ARHGAP44: variants seen among roughly 807,000 people sequenced by gnomAD.
ARHGAP44 encodes Rho GTPase activating protein 44.
A neutral mutation model predicts 106.8 loss-of-function variants in ARHGAP44; 43 were observed. That is an observed-to-expected ratio of 0.40 (90% CI 0.32 to 0.52). ARHGAP44 has a LOEUF of 0.52. Among genes scored for constraint, ARHGAP44 ranks in the 20% least tolerant of loss-of-function variants. The pLI is 0.48. For missense variants in ARHGAP44, 866 were observed against 1,050.5 expected (o/e 0.82, Z 2.43); for synonymous variants, 439 against 410.3 (o/e 1.07, Z -0.85).
chr17:12,792,362 A>G (rs1432457991), intron 1 of ARHGAP44, among the ~76,000 whole-genome samples: 1 of 152,210 alleles, frequency 6.6e-6, no homozygotes, highest in Non-Finnish European at 1.5e-5. Context: ...TGCTTCCAGC[A>G]GAATCTATTG....
At chr17:12,987,435 T>C in intron 20 of ARHGAP44, 2 of 355,450 alleles carry the variant, frequency 5.6e-6, no homozygotes, top group Non-Finnish European at 1.0e-5. Flanking sequence ...CATCTGCAGC[T>C]CCTCCCCCTC....
chr17:12,868,805 G>A (rs1047611283), intron 1 of ARHGAP44, among the ~76,000 whole-genome samples: 2 of 150,998 alleles, frequency 1.3e-5, no homozygotes, highest in African/African-American at 4.9e-5. Context: ...TTACAGGCAT[G>A]TGCCACCACG....
chr17:12,965,205 C>T (rs2039360816), intron 16 of ARHGAP44, among the ~76,000 whole-genome samples: 1 of 152,192 alleles, frequency 6.6e-6, no homozygotes, highest in African/African-American at 2.4e-5. Context: ...ATCCAGCTAC[C>T]TCAGGCCGTG....
intron 2 of ARHGAP44, 63 bp from the exon 3 acceptor site, chr17:12,896,344 C>A: frequency 7.2e-7 from 1 of 1,389,556 alleles, no homozygotes; most frequent in Non-Finnish European, 1.0e-6. Context: ...TGTCCACACC[C>A]ACAATCCCTC....
At chr17:12,912,016 C>T (rs1364925622) in intron 4 of ARHGAP44, among the ~76,000 whole-genome samples, 1 of 152,194 alleles carries the variant, frequency 6.6e-6, no homozygotes, top group Non-Finnish European at 1.5e-5. Context: ...ACTTTTTAGT[C>T]TCCACTCTTG....
intron 9 of ARHGAP44, 25 bp downstream of exon 9, chr17:12,943,694 A>G (rs780751811): frequency 6.2e-7 from 1 of 1,611,560 alleles, no homozygotes; most frequent in Non-Finnish European, 8.5e-7. Context: ...TCCCTGGAGA[A>G]GGGAGGGCCG....
chr17:12,930,767 G>A (rs1365108793), intron 7 of ARHGAP44, among the ~76,000 whole-genome samples: 3 of 152,084 alleles, frequency 2.0e-5, no homozygotes, highest in Non-Finnish European at 4.4e-5. Context: ...AAGATTCGTA[G>A]TACATGTTCA....
chr17:12,841,432 C>T (rs920478211), intron 1 of ARHGAP44, among the ~76,000 whole-genome samples: 1 of 151,872 alleles, frequency 6.6e-6, no homozygotes, highest in African/African-American at 2.4e-5. Flanking sequence ...AACCCCATCT[C>T]TACAAAAATT....
Position 12,990,427 on chromosome 17 carries a change from T to G in ARHGAP44, c.*256T>G. 1 of 429,626 alleles carries G rather than the reference T, an allele frequency of 2.3e-6. No homozygotes were observed. Among genetic ancestry groups the G allele is most frequent in the Admixed American group, 3.4e-5 (1 of 29,210 alleles). The allele number at this position is 429,626 out of a possible 1,614,324, so 26.6% of individuals were successfully genotyped here. On this transcript the variant is annotated 3_prime_UTR_variant, in exon 21 of 21. Coordinates refer to ENST00000379672, the MANE Select transcript of ARHGAP44 (RefSeq NM_014859.6). Reference sequence around the variant, plus strand: ...TTTGCCTTTTGACTTTGTGCCTCTTTTGATCCACTTTCAGCCTCCATGCCA... The same window carrying G: ...TTTGCCTTTTGACTTTGTGCCTCTTGTGATCCACTTTCAGCCTCCATGCCA...
intron 1 of ARHGAP44, among the ~76,000 whole-genome samples, chr17:12,893,127 G>A (rs1031942686): frequency 6.6e-6 from 1 of 152,048 alleles, no homozygotes; most frequent in African/African-American, 2.4e-5. Context: ...GCAGTTTCTA[G>A]TGCTTTGTTT....
rs746523447 is a variant in ARHGAP44, at chr17:12,991,284, T to C, written c.*1113T>C. ...TGCATGCAAAGTCAAAGTTTAAAAT[T>C]TTATCCTTTTCAAATAGATGATATA... On this transcript the variant is annotated 3_prime_UTR_variant, in exon 21 of 21. Coordinates refer to ENST00000379672, the MANE Select transcript of ARHGAP44 (RefSeq NM_014859.6). The C allele has an allele frequency of 6.6e-6, 1 of 152,662 alleles. No homozygotes were observed. The highest frequency in any genetic ancestry group is 1.9e-4 in the East Asian group (1 of 5,208). 9.5% of individuals were successfully genotyped at this position (152,662 alleles called of 1,614,324 possible).
At chr17:12,805,467 G>T (rs2034245483) in intron 1 of ARHGAP44, among the ~76,000 whole-genome samples, 1 of 152,146 alleles carries the variant, frequency 6.6e-6, no homozygotes, top group African/African-American at 2.4e-5. Context: ...ATATGTGTCT[G>T]TTGGCTTATA....
Position 12,984,643 on chromosome 17 carries a change from C to T in ARHGAP44, c.2052C>T (p.Pro684=). Reference sequence around the variant, plus strand: ...CAGTCAGCCTGTCCCCCACCCCGCCCAGCACCCCGTCACCCTATGGACTGA... The same window carrying T: ...CAGTCAGCCTGTCCCCCACCCCGCCTAGCACCCCGTCACCCTATGGACTGA... ...PSPVSLSPTP[P]STPSPYGLSY... Residue 684 remains proline (P), a synonymous_variant, in exon 20 of 21, where the codon CCC becomes CCT. Transcript: ENST00000379672. The T allele has an allele frequency of 6.2e-7, 1 of 1,612,454 alleles. No homozygotes were observed.
chr17:12,841,594 T>TCTCTCTCTCACA (rs1417307080), intron 1 of ARHGAP44, among the ~76,000 whole-genome samples: 56 of 126,576 alleles, frequency 4.4e-4, no homozygotes, highest in African/African-American at 1.7e-3. Context: ...TGTCTCTCTC[T>TCTCTCTCTCACA]CACACACACA....
At position 12,986,993 on chromosome 17, in the gene ARHGAP44, C is replaced by T. The variant is rs1215925626; in HGVS notation, c.2317+2085C>T. On this transcript the variant is annotated intron_variant, in intron 20 of 20. Coordinates refer to ENST00000379672, the MANE Select transcript of ARHGAP44 (RefSeq NM_014859.6). ...TAGAATCCATCATGGTTTGATGTGGCCCGTCTGGGACTGTGATATTGGCAT... is the reference window on the plus strand; with the variant it reads ...TAGAATCCATCATGGTTTGATGTGGTCCGTCTGGGACTGTGATATTGGCAT... The T allele has an allele frequency of 7.7e-6, 8 of 1,033,120 alleles. No homozygotes were observed. In the East Asian group the frequency reaches 1.8e-4, roughly 24 times the overall value. 64.0% of individuals were successfully genotyped at this position (1,033,120 alleles called of 1,614,324 possible). A position where few individuals can be genotyped will look rare whatever the true frequency, so the allele number is the denominator to read the frequency against.
At chr17:12,971,581 G>A (rs1200744792) in intron 16 of ARHGAP44, among the ~76,000 whole-genome samples, 2 of 152,162 alleles carry the variant, frequency 1.3e-5, no homozygotes, top group South Asian at 2.1e-4. Flanking sequence ...ACCACAGTTC[G>A]ATGATCTTCG....
chr17:12,865,806 A>AG (rs2036225027), intron 1 of ARHGAP44, among the ~76,000 whole-genome samples: 2 of 151,032 alleles, frequency 1.3e-5, no homozygotes, highest in African/African-American at 2.4e-5. Context: ...AAAAAAAAAA[A>AG]GGAAATCAGT....
At chr17:12,953,029 G>T (rs1043604651) in intron 13 of ARHGAP44, among the ~76,000 whole-genome samples, 1 of 152,142 alleles carries the variant, frequency 6.6e-6, no homozygotes, top group Non-Finnish European at 1.5e-5. Context: ...GAGCAAAGAT[G>T]AATGCAAGCT....
chr17:12,915,529 A>G, intron 4 of ARHGAP44, among the ~76,000 whole-genome samples: 1 of 152,136 alleles, frequency 6.6e-6, no homozygotes, highest in East Asian at 1.9e-4. Flanking sequence ...ATCAGGACCT[A>G]TTGAAATTGA....
Sources: allele counts gnomAD v4.1 joint callset (sites outside exome capture counted in the v4.1 genomes callset), GRCh38; gene constraint gnomAD v4.1.1; transcripts MANE v1.5; gene names NCBI Gene and HGNC (gene_info 2026-07-23, HGNC 2026-07-21).